The following TPCN2 variants were observed in gnomAD, a reference collection of about 807,000 sequenced individuals.
The protein encoded by TPCN2 is two pore channel protein 2.
TPCN2 carries 92 observed loss-of-function variants against 111.4 expected under a neutral mutation model. The ratio of observed to expected loss-of-function variants is 0.83; its 90% CI spans 0.70 to 0.98. The LOEUF (loss-of-function observed/expected upper bound fraction) is 0.98, where lower values mean the gene tolerates loss of function less well. Ranked by LOEUF, TPCN2 falls within the 50% of genes least tolerant of loss-of-function variation. The pLI is 0.00. For synonymous variants in TPCN2, 405 were observed against 414.5 expected (o/e 0.98, Z 0.28); for missense variants, 995 against 980.1 (o/e 1.02, Z -0.20).
chr11:69,087,827 T>C, intron 24 of TPCN2, 48 bp from the exon 25 acceptor site: 4 of 1,512,090 alleles, frequency 2.6e-6, no homozygotes, highest in Non-Finnish European at 3.6e-6. Flanking sequence ...CAGGCCAGGG[T>C]CTCCCTCCTT....
intron 13 of TPCN2, among the ~76,000 whole-genome samples, chr11:69,075,304 G>A (rs1486819074): frequency 6.6e-6 from 1 of 152,190 alleles, no homozygotes; most frequent in African/African-American, 2.4e-5. Context: ...AGGACTCCAT[G>A]TGGATACAAA....
In TPCN2 at chr11:69,087,973, G is replaced by A. The variant is rs368925835; in HGVS notation, c.*20G>A. 1.2e-3 allele frequency: 1,949 copies of A among 1,593,320 alleles called. 47 individuals are homozygous for A. The South Asian group carries it at 0.021, about 17-fold the overall frequency. On this transcript the variant is annotated 3_prime_UTR_variant, in exon 25 of 25. Transcript: ENST00000294309. ...AGGTGACGTCCGGGCTGCCGTCCCA[G>A]CAGGGGCGGCAGGAGAGAGAGGCTG...
Sources: gnomAD v4.1 joint callset for allele counts (sites outside exome capture counted in the v4.1 genomes callset) on GRCh38, gnomAD v4.1.1 for gene constraint, MANE v1.5 for transcripts, NCBI Gene and HGNC (gene_info 2026-07-23, HGNC 2026-07-21) for gene names.